The following KIAA0319 variants were observed in gnomAD, a reference collection of about 807,000 sequenced individuals.
KIAA0319 encodes KIAA0319.
A neutral mutation model predicts 108.4 loss-of-function variants in KIAA0319; 83 were observed. The observed-to-expected ratio is 0.77, with a 90% CI of 0.64 to 0.92. The LOEUF (loss-of-function observed/expected upper bound fraction) is 0.92, where lower values mean the gene tolerates loss of function less well. Among genes scored for constraint, KIAA0319 ranks in the 40% least tolerant of loss-of-function variants. The pLI is 0.00. For synonymous variants in KIAA0319, 484 were observed against 510.4 expected, an observed-to-expected ratio of 0.95 and a Z score of 0.70; for missense variants, 1,195 against 1,322.4, an observed-to-expected ratio of 0.90 and a Z score of 1.49.
Position 24,583,768 on chromosome 6 carries a change from C to G in KIAA0319, c.995-66G>C, listed in dbSNP as rs924561077. ...TAATGTGTTACATTACTGCTCTACA[C>G]TAGATCTGTTTTTGGTATCCATAAA... On this transcript the variant is annotated intron_variant, in intron 4 of 20. Transcript: ENST00000378214. 3 of 974,590 alleles carry G rather than the reference C, an allele frequency of 3.1e-6. No homozygotes were observed. The Admixed American group carries it at 6.1e-5, about 20-fold the overall frequency. The allele number at this position is 974,590 out of a possible 1,614,324, so 60.4% of individuals were successfully genotyped here. A position where few individuals can be genotyped will look rare whatever the true frequency, so the allele number is the denominator to read the frequency against.
intron 1 of KIAA0319, among the ~76,000 whole-genome samples, chr6:24,629,451 C>T (rs1252184486): frequency 7.0e-6 from 1 of 142,230 alleles, no homozygotes; most frequent in Non-Finnish European, 1.5e-5. Flanking sequence ...GGAAGCAGAG[C>T]TTGCAATGAG....
chr6:24,547,330 T>C lies in KIAA0319; in HGVS notation c.3054A>G (p.Arg1018=). 6.2e-7 allele frequency: 1 copy of C among 1,614,082 alleles called. No individual in the cohort carries two copies. The highest frequency in any genetic ancestry group is 8.5e-7 in the Non-Finnish European group (1 of 1,179,932). ...ELRPKYGIKH[R]STEHNSSLMV... is the part of the protein sequence containing the mutation. ...TCAGGCTGGAGTTGTGCTCTGTGCT[T>C]CGGTGCTTGATACCTAGAGAGAAGC... The change falls in exon 21 of 21, where the codon CGA becomes CGG. Residue 1018 remains arginine (R), a synonymous_variant. Transcript: ENST00000378214.
At chr6:24,602,756 A>T (rs1470434946) in intron 1 of KIAA0319, among the ~76,000 whole-genome samples, 1 of 152,130 alleles carries the variant, frequency 6.6e-6, no homozygotes, top group Admixed American at 6.5e-5. Context: ...AGCCGAGATC[A>T]CGCCACTGCA....
chr6:24,590,619 C>T (rs1167032546), intron 3 of KIAA0319, among the ~76,000 whole-genome samples: 1 of 152,020 alleles, frequency 6.6e-6, no homozygotes, highest in African/African-American at 2.4e-5. Flanking sequence ...TAATCAAGTC[C>T]TGAAAAATTA....
At position 24,549,088 on chromosome 6, in the gene KIAA0319, G is replaced by A. The variant is rs1263445901; in HGVS notation, c.3041-1745C>T. ...TGTAATCTCAGCACTTTGGGAGGCC[G>A]AGGCGGGTGGATCACTTGACGTCAG... On this transcript the variant is annotated intron_variant, in intron 20 of 20. Coordinates refer to ENST00000378214, the MANE Select transcript of KIAA0319 (RefSeq NM_014809.4). 2.6e-5 allele frequency among the ~76,000 whole-genome samples: 4 copies of A among 151,544 alleles called. 1 individual carries two copies. The highest frequency in any genetic ancestry group is 7.3e-5 in the African/African-American group (3 of 41,224).
chr6:24,569,546 T>C (rs1289021619), intron 12 of KIAA0319, among the ~76,000 whole-genome samples: 2 of 152,218 alleles, frequency 1.3e-5, no homozygotes, highest in East Asian at 1.9e-4. Flanking sequence ...CAGAAAATGT[T>C]AGATGATATG....
rs1029510671 is a variant in KIAA0319 at position 24,641,818 on chromosome 6, G to A, written c.-106+3918C>T. 5.3e-5 allele frequency among the ~76,000 whole-genome samples: 8 copies of A among 151,898 alleles called. No individual in the cohort carries two copies. The East Asian group carries it at 7.7e-4, about 15-fold the overall frequency. The stretch of plus-strand genomic sequence containing the variant: ...AGGCGGAGGTGAGCAGGTCACTTGC[G>A]CCCAGGAGTTCAAAACCAGTCGGGG... On this transcript the variant is annotated intron_variant, in intron 1 of 20. Coordinates refer to ENST00000378214, the MANE Select transcript of KIAA0319 (RefSeq NM_014809.4).
intron 15 of KIAA0319, among the ~76,000 whole-genome samples, chr6:24,563,871 T>C (rs1213724137): frequency 1.3e-5 from 2 of 152,134 alleles, no homozygotes; most frequent in African/African-American, 4.8e-5. Context: ...TATGCTGAGG[T>C]CGTTACAGCC....
At chr6:24,629,725 T>C (rs1775267884) in intron 1 of KIAA0319, among the ~76,000 whole-genome samples, 1 of 152,014 alleles carries the variant, frequency 6.6e-6, no homozygotes. Flanking sequence ...AGATCTGAGA[T>C]AAAATTTTTA....
rs1770253754 is a variant in KIAA0319, at chr6:24,599,365, C to T, written c.55+1684G>A. The stretch of plus-strand genomic sequence containing the variant: ...TCCCTAGAGGCCACCATTGTGGATG[C>T]GGAGAAGCGTGGGGAGCTGGCCATT... On this transcript the variant is annotated intron_variant, in intron 2 of 20. Transcript: ENST00000378214. This position sits in a 1 kb window ranked among gnomAD's most constrained non-coding sequence, Gnocchi z 4.1. The T allele has an allele frequency of 9.5e-6, 5 of 526,146 alleles. No individual in the cohort carries two copies. The highest frequency in any genetic ancestry group is 5.0e-5 in the South Asian group (3 of 59,712). 32.6% of individuals were successfully genotyped at this position (526,146 alleles called of 1,614,324 possible). A position where few individuals can be genotyped will look rare whatever the true frequency, so the allele number is the denominator to read the frequency against.
intron 1 of KIAA0319, among the ~76,000 whole-genome samples, chr6:24,619,100 G>T (rs534008723): frequency 2.0e-5 from 3 of 152,206 alleles, no homozygotes; most frequent in African/African-American, 7.2e-5. Context: ...GGTCAGCATC[G>T]CTAGAAAAGG....
chr6:24,600,584 G>A, intron 2 of KIAA0319: 1 of 1,101,118 alleles, frequency 9.1e-7, no homozygotes, highest in Non-Finnish European at 1.3e-6. Context: ...AGTTTTTCTA[G>A]TCATATCACC....
In KIAA0319 at chr6:24,596,048, G is replaced by C. The variant is rs146508644; in HGVS notation, c.626C>G (p.Thr209Arg). 1.2e-6 allele frequency: 2 copies of C among 1,613,922 alleles called. No individual in the cohort carries two copies. The highest frequency in any genetic ancestry group is 2.7e-5 in the African/African-American group (2 of 74,914). ...VGDSPAVPAE[T>R]QQDPELHYLN... The stretch of plus-strand genomic sequence containing the variant: ...GTAATGGAGCTCAGGGTCCTGCTGC[G>C]TCTCCGCTGGCACCGCAGGACTGTC... The change falls in exon 3 of 21, where the codon ACG becomes AGG. Residue 209 changes from threonine (T) to arginine (R), a missense_variant. Thr to Arg is a moderately conservative substitution (Grantham distance 71, BLOSUM62 -1). Transcript: ENST00000378214.
chr6:24,583,483 CTTTG>C (rs976569656), intron 5 of KIAA0319, 117 bp downstream of exon 5: 7 of 718,212 alleles, frequency 9.7e-6, no homozygotes, highest in African/African-American at 7.2e-5. Flanking sequence ...TGTCCTCCAC[CTTTG>C]TTTGTGACGT....
intron 16 of KIAA0319, among the ~76,000 whole-genome samples, chr6:24,561,689 T>C (rs1763117097): frequency 6.6e-6 from 1 of 151,630 alleles, no homozygotes; most frequent in African/African-American, 2.4e-5. Flanking sequence ...ACCATGGGCG[T>C]GTGCCACCAT....
intron 1 of KIAA0319, among the ~76,000 whole-genome samples, chr6:24,627,045 T>C (rs1774813085): frequency 6.6e-6 from 1 of 152,206 alleles, no homozygotes; most frequent in African/African-American, 2.4e-5. Flanking sequence ...GACCAATTTA[T>C]AAGTGCGGTC....
At chr6:24,557,242 C>G (rs1762432523) in intron 17 of KIAA0319, among the ~76,000 whole-genome samples, 1 of 152,108 alleles carries the variant, frequency 6.6e-6, no homozygotes, top group African/African-American at 2.4e-5. Flanking sequence ...TTGCTCACGC[C>G]TGTAATCCCG....
intron 1 of KIAA0319, among the ~76,000 whole-genome samples, chr6:24,601,896 C>T (rs936044933): frequency 1.6e-4 from 25 of 152,148 alleles, no homozygotes; most frequent in African/African-American, 6.0e-4. Context: ...ACTGGTTTCC[C>T]GGGCTGTGGA....
In KIAA0319 at chr6:24,576,568, T is replaced by A; in HGVS notation, c.1534A>T (p.Thr512Ser). The A allele has an allele frequency of 6.2e-7, 1 of 1,614,098 alleles. No homozygotes were observed. The highest frequency in any genetic ancestry group is 8.5e-7 in the Non-Finnish European group (1 of 1,179,990). ...ATTAGGGCTGCAGTTGTAGAGTTAGTGGCTCCGTCCGAGTCTGTAACAGTC... is the reference window on the plus strand; with the variant it reads ...ATTAGGGCTGCAGTTGTAGAGTTAGAGGCTCCGTCCGAGTCTGTAACAGTC... ...RLTVTDSDGATNSTTAALIVN... is the reference protein window; with the variant it reads ...RLTVTDSDGASNSTTAALIVN... Residue 512 changes from threonine (T) to serine (S), a missense_variant, in exon 10 of 21, where the codon ACT becomes TCT. Thr to Ser is a moderately conservative substitution (Grantham distance 58, BLOSUM62 1). Coordinates refer to ENST00000378214, the MANE Select transcript of KIAA0319 (RefSeq NM_014809.4).
Sources: gnomAD v4.1 joint callset for allele counts (sites outside exome capture counted in the v4.1 genomes callset) on GRCh38, gnomAD v4.1.1 for gene constraint, Gnocchi (gnomAD v3.1) non-coding constraint, MANE v1.5 for transcripts, NCBI Gene and HGNC (gene_info 2026-07-23, HGNC 2026-07-21) for gene names.